BPNT1: variants seen among roughly 807,000 people sequenced by gnomAD.
The protein encoded by BPNT1 is 3'(2'),5'-bisphosphate nucleotidase 1.
BPNT1 carries 28 observed loss-of-function variants against 36.9 expected under a neutral mutation model. The observed-to-expected ratio is 0.76, with a 90% CI of 0.56 to 1.04. BPNT1 has a LOEUF of 1.04. BPNT1 is among the 50% of genes least tolerant of loss of function. The probability of loss-of-function intolerance (pLI) is 0.00; values close to 1 mark genes in which losing one functional copy is unlikely to be tolerated. For missense variants in BPNT1, 313 were observed against 372.9 expected, an observed-to-expected ratio of 0.84 and a Z score of 1.32; for synonymous variants, 119 against 130.9, an observed-to-expected ratio of 0.91 and a Z score of 0.62.
Position 220,059,773 on chromosome 1 carries a change from C to T in BPNT1, c.691G>A (p.Gly231Ser). The T allele has an allele frequency of 6.2e-7, 1 of 1,602,696 alleles. No individual in the cohort carries two copies. Among genetic ancestry groups the T allele is most frequent in the Non-Finnish European group, 8.5e-7 (1 of 1,175,462 alleles). ...AGNKIIQLIE[G>S]KASAYVFASP... ...GCAAATACATAAGCAGAGGCTTTGC[C>T]TTCAATCAGCTGAATAATCTGTAAG... Residue 231 changes from glycine (G) to serine (S), a missense_variant, in exon 8 of 9, where the codon GGC becomes AGC. Coordinates refer to ENST00000322067, the MANE Select transcript of BPNT1 (RefSeq NM_006085.6).
Position 220,059,672 on chromosome 1 carries a change from T to C in BPNT1, c.778+14A>G, listed in dbSNP as rs1333887076. The C allele has an allele frequency of 3.2e-6, 5 of 1,567,528 alleles. No homozygotes were observed. The stretch of plus-strand genomic sequence containing the variant: ...TAGAAAAACTATGAATTTCCTCAAA[T>C]AAAACAGACTAACCTCCCACAGCAT... On this transcript the variant is annotated intron_variant, in intron 8 of 8. Transcript: ENST00000322067.
chr1:220,063,022 T>C (rs2102639901), intron 6 of BPNT1, 68 bp from the exon 7 acceptor site: 9 of 1,463,560 alleles, frequency 6.1e-6, no homozygotes, highest in Middle Eastern at 2.1e-4. Flanking sequence ...ATAAATGGAA[T>C]ATTCAGTTAT....
Position 220,072,947 on chromosome 1 carries a change from G to A in BPNT1, c.236C>T (p.Ser79Phe). 1.2e-6 allele frequency: 2 copies of A among 1,613,886 alleles called. No homozygotes were observed. Among genetic ancestry groups the A allele is most frequent in the Non-Finnish European group, 1.7e-6 (2 of 1,179,848 alleles). Residue 79 changes from serine to phenylalanine, a missense_variant, in exon 4 of 9, where the codon TCT becomes TTT. Ser to Phe is a radical substitution (Grantham distance 155). Coordinates refer to ENST00000322067, the MANE Select transcript of BPNT1 (RefSeq NM_006085.6). The stretch of plus-strand genomic sequence containing the variant: ...AATCAGCTCTTGATCCACTTCCTCA[G>A]AAGGCAGATCCTAAAGCAGAGATAA... ...LTIIGEEDLP[S>F]EEVDQELIED...
intron 4 of BPNT1, among the ~76,000 whole-genome samples, chr1:220,070,386 C>T (rs555493125): frequency 2.2e-4 from 33 of 152,124 alleles, no homozygotes; most frequent in Admixed American, 1.1e-3. Context: ...CACTCTGTCA[C>T]CCAGGCTGGA....
chr1:220,086,496 A>G (rs1655740120), intron 1 of BPNT1, among the ~76,000 whole-genome samples: 1 of 151,958 alleles, frequency 6.6e-6, no homozygotes, highest in South Asian at 2.1e-4. Context: ...CTGGTCTCGA[A>G]CACCTGACCT....
At chr1:220,073,539 G>A (rs1017228963) in intron 3 of BPNT1, among the ~76,000 whole-genome samples, 7 of 152,060 alleles carry the variant, frequency 4.6e-5, no homozygotes, top group South Asian at 2.1e-4. Flanking sequence ...TGATTCGCCC[G>A]CCTCAGCCTC....
At chr1:220,070,855 A>G (rs1365557405) in intron 4 of BPNT1, among the ~76,000 whole-genome samples, 2 of 151,166 alleles carry the variant, frequency 1.3e-5, no homozygotes, top group African/African-American at 2.4e-5. Context: ...TATAGGTTTC[A>G]CGCTGGTCAT....
intron 8 of BPNT1, 145 bp downstream of exon 8, chr1:220,059,541 A>AG: frequency 1.9e-6 from 1 of 526,182 alleles, no homozygotes; most frequent in Non-Finnish European, 3.3e-6. Flanking sequence ...CTATCATATG[A>AG]GGGGTTTGGA....
In BPNT1 at chr1:220,075,765, T is replaced by A. The variant is rs562279433; in HGVS notation, c.121-1694A>T. Among the ~76,000 whole-genome samples the A allele has an allele frequency of 5.9e-5, 9 of 152,288 alleles. No homozygotes were observed. The South Asian group carries it at 1.2e-3, about 21-fold the overall frequency. The stretch of plus-strand genomic sequence containing the variant: ...TGATAAACTGATTTTGCTGTTTTTT[T>A]AAAAATAAGGTATCAACGGAAGGAT... On this transcript the variant is annotated intron_variant, in intron 2 of 8. Transcript: ENST00000322067.
In BPNT1 at chr1:220,079,596, C is replaced by T. The variant is rs529076431; in HGVS notation, c.120+131G>A. On this transcript the variant is annotated intron_variant, in intron 2 of 8. Coordinates refer to ENST00000322067, the MANE Select transcript of BPNT1 (RefSeq NM_006085.6). ...AGAGATGGAACCCTTTAGAACCAAG[C>T]GTCTTGCAGTCTCCCTAAGGGAGCC... 135 of 1,109,664 alleles carry T rather than the reference C, an allele frequency of 1.2e-4. 1 individual carries two copies. The South Asian group carries it at 1.9e-3, about 16-fold the overall frequency. 68.7% of individuals were successfully genotyped at this position (1,109,664 alleles called of 1,614,324 possible).
chr1:220,061,690 G>C (rs922117691), intron 7 of BPNT1, among the ~76,000 whole-genome samples: 2 of 152,066 alleles, frequency 1.3e-5, no homozygotes, highest in African/African-American at 4.8e-5. Context: ...AAAACAGGGA[G>C]AGAAACACAT....
chr1:220,082,871 C>T (rs189101880), intron 1 of BPNT1, among the ~76,000 whole-genome samples: 122 of 152,224 alleles, frequency 8.0e-4, no homozygotes, highest in African/African-American at 2.8e-3. Flanking sequence ...ATCATCCACA[C>T]TCTATTGACA....
chr1:220,067,721 G>C (rs572114318), intron 5 of BPNT1, among the ~76,000 whole-genome samples: 83 of 152,220 alleles, frequency 5.5e-4, no homozygotes, highest in African/African-American at 1.9e-3. Flanking sequence ...CTTACCTGCC[G>C]AATCACTTTA....
At chr1:220,064,847 G>A (rs1439748057) in intron 6 of BPNT1, among the ~76,000 whole-genome samples, 5 of 152,004 alleles carry the variant, frequency 3.3e-5, no homozygotes, top group Admixed American at 6.6e-5. Context: ...TTACTGTGTC[G>A]CCCAGGCTGG....
rs1663842345 is a variant in BPNT1, at chr1:220,069,414, G to A, written c.352C>T (p.Pro118Ser). ...GTATATTCCTTGGTTCCATCCAGAG[G>A]ATCAACCCAGACCACGAGCTAAAAT... ...KEEDLVVWVD[P>S]LDGTKEYTEG... is the part of the protein sequence containing the mutation. The change falls in exon 5 of 9, where the codon CCT (proline) becomes TCT (serine). Residue 118 changes from proline (P) to serine (S), a missense_variant. Physicochemically the swap from Pro to Ser is moderately conservative, Grantham distance 74. Transcript: ENST00000322067. 1 of 1,606,068 alleles carries A rather than the reference G, an allele frequency of 6.2e-7. No individual in the cohort carries two copies. The highest frequency in any genetic ancestry group is 1.1e-5 in the South Asian group (1 of 88,920).
chr1:220,068,785 G>A (rs1663782870), intron 5 of BPNT1, among the ~76,000 whole-genome samples: 1 of 152,174 alleles, frequency 6.6e-6, no homozygotes, highest in Non-Finnish European at 1.5e-5. Flanking sequence ...ACTCTAGCCT[G>A]GGCAATGAGC....
chr1:220,062,730 A>T, intron 7 of BPNT1, 27 bp downstream of exon 7: 1 of 1,610,442 alleles, frequency 6.2e-7, no homozygotes, highest in Non-Finnish European at 8.5e-7. Context: ...CTTGCACTTC[A>T]GAGCAGATGA....
At chr1:220,072,109 T>A (rs544305454) in intron 4 of BPNT1, among the ~76,000 whole-genome samples, 1 of 149,130 alleles carries the variant, frequency 6.7e-6, no homozygotes, top group South Asian at 2.2e-4. Flanking sequence ...AAGCCTGTAA[T>A]CCCAGCACTT....
At chr1:220,074,142 G>C in intron 2 of BPNT1, 71 bp from the exon 3 acceptor site, 1 of 1,344,090 alleles carries the variant, frequency 7.4e-7, no homozygotes, top group African/African-American at 1.5e-5. Context: ...TTGTGCATGA[G>C]TGCCTACATA....
Sources: gnomAD v4.1 joint callset for allele counts (sites outside exome capture counted in the v4.1 genomes callset) on GRCh38, gnomAD v4.1.1 for gene constraint, MANE v1.5 for transcripts, NCBI Gene and HGNC (gene_info 2026-07-23, HGNC 2026-07-21) for gene names.